Variants in ELAVL2 observed in about 807,000 individuals in gnomAD.
ELAVL2 encodes the protein ELAV like RNA binding protein 2.
In ELAVL2, 4 loss-of-function variants were observed where a neutral mutation model predicts 34.6. That is an observed-to-expected ratio of 0.12 (90% confidence interval 0.06 to 0.26). The LOEUF is 0.26. Ranked by LOEUF, ELAVL2 falls within the 10% of genes least tolerant of loss-of-function variation. The pLI is 1.00. For missense variants in ELAVL2, 432 were observed against 442.8 expected (o/e 0.98, Z 0.22); for synonymous variants, 193 against 154.8 (o/e 1.25, Z -1.83).
At chr9:23,765,183 G>T in intron 1 of ELAVL2, 2 of 1,255,280 alleles carry the variant, frequency 1.6e-6, no homozygotes, top group Non-Finnish European at 2.2e-6. Context: ...TACAGTGATT[G>T]TATTGATATT....
chr9:23,809,137 C>G (rs1475501901), intron 1 of ELAVL2, among the ~76,000 whole-genome samples: 1 of 152,166 alleles, frequency 6.6e-6, no homozygotes, highest in African/African-American at 2.4e-5. Context: ...ACGGAGCAGC[C>G]TTGTCAGGAT....
At chr9:23,795,874 T>TC (rs1345000094) in intron 1 of ELAVL2, among the ~76,000 whole-genome samples, 1 of 152,210 alleles carries the variant, frequency 6.6e-6, no homozygotes, top group Non-Finnish European at 1.5e-5. Context: ...TAAACAATCA[T>TC]TTTTAATATT....
chr9:23,756,429 G>C (rs922145961), intron 2 of ELAVL2, among the ~76,000 whole-genome samples: 2 of 152,088 alleles, frequency 1.3e-5, no homozygotes, highest in African/African-American at 4.8e-5. Flanking sequence ...AAACAACTGA[G>C]AGTAATGGTG....
At chr9:23,721,032 T>G (rs2134074894) in intron 3 of ELAVL2, among the ~76,000 whole-genome samples, 1 of 152,294 alleles carries the variant, frequency 6.6e-6, no homozygotes, top group East Asian at 1.9e-4. Context: ...TCTGGGCATA[T>G]TAGGGTTTCC....
rs189534252 is a variant in ELAVL2 at position 23,818,776 on chromosome 9, T to C, written c.-16+7030A>G. On this transcript the variant is annotated intron_variant, in intron 1 of 6. Coordinates refer to ENST00000397312, the MANE Select transcript of ELAVL2 (RefSeq NM_004432.5). The stretch of plus-strand genomic sequence containing the variant: ...CAAATGGGAGCGAAAATACTGATGC[T>C]ACCATGCAGACAAGTCATCAAAAAG... Among the ~76,000 whole-genome samples the C allele has an allele frequency of 7.2e-5, 11 of 152,320 alleles. No individual in the cohort carries two copies. In the East Asian group the frequency reaches 2.1e-3, roughly 29 times the overall value.
At chr9:23,694,873 C>CGT (rs539172313) in intron 5 of ELAVL2, among the ~76,000 whole-genome samples, 6,202 of 151,744 alleles carry the variant, frequency 0.041, 216 homozygotes, top group South Asian at 0.085. Context: ...GTGCGTGGTG[C>CGT]GTGTGTGTGT....
intron 1 of ELAVL2, among the ~76,000 whole-genome samples, chr9:23,792,109 G>A (rs576623700): frequency 6.6e-6 from 1 of 152,194 alleles, no homozygotes; most frequent in Non-Finnish European, 1.5e-5. Context: ...TTCACTGTCA[G>A]TATTCAGTAA....
At chr9:23,819,136 G>A (rs994803796) in intron 1 of ELAVL2, among the ~76,000 whole-genome samples, 1 of 152,132 alleles carries the variant, frequency 6.6e-6, no homozygotes, top group African/African-American at 2.4e-5. Flanking sequence ...AGAGCCAAGA[G>A]CGGTTGGTTA....
chr9:23,788,870 C>G (rs2060011787), intron 1 of ELAVL2, among the ~76,000 whole-genome samples: 1 of 152,194 alleles, frequency 6.6e-6, no homozygotes, highest in African/African-American at 2.4e-5. Context: ...GGGTACATCA[C>G]ACTATTCAGA....
chr9:23,728,198 CA>C (rs2045713167), intron 3 of ELAVL2, among the ~76,000 whole-genome samples: 1 of 151,908 alleles, frequency 6.6e-6, no homozygotes, highest in Admixed American at 6.6e-5. Context: ...CCTGTAATTC[CA>C]AAACTTCTGT....
intron 3 of ELAVL2, among the ~76,000 whole-genome samples, chr9:23,720,023 C>T (rs2043262008): frequency 1.3e-5 from 2 of 151,824 alleles, no homozygotes; most frequent in Admixed American, 6.6e-5. Context: ...GACGTGGTTT[C>T]ACTACATTGT....
At chr9:23,830,617 CACACACA>C (rs2065469213), upstream of ELAVL2, among the ~76,000 whole-genome samples, 1 of 148,270 alleles carries the variant, frequency 6.7e-6, no homozygotes. Context: ...CACACACACA[CACACACA>C]CCTTTTTTTT....
chr9:23,764,921 A>C, intron 1 of ELAVL2: 1 of 1,282,306 alleles, frequency 7.8e-7, no homozygotes. Context: ...ATGCCAAATG[A>C]AAGATTCAAG....
chr9:23,827,222 C>G (rs897795737), upstream of ELAVL2, among the ~76,000 whole-genome samples: 7 of 152,204 alleles, frequency 4.6e-5, no homozygotes, highest in African/African-American at 1.7e-4. Context: ...ATAGTTGAAC[C>G]TTTATCAGGG....
intron 1 of ELAVL2, among the ~76,000 whole-genome samples, chr9:23,818,501 A>C (rs575406814): frequency 2.6e-5 from 4 of 152,164 alleles, no homozygotes; most frequent in African/African-American, 9.7e-5. Flanking sequence ...CACACACTCA[A>C]ATGTGGTAGC....
chr9:23,716,660 C>T (rs528871707), intron 3 of ELAVL2, among the ~76,000 whole-genome samples: 1 of 152,182 alleles, frequency 6.6e-6, no homozygotes, highest in African/African-American at 2.4e-5. Context: ...AGACAAAAAT[C>T]CCGTTGCCCT....
chr9:23,741,541 C>T (rs2049184426), intron 2 of ELAVL2, among the ~76,000 whole-genome samples: 1 of 152,112 alleles, frequency 6.6e-6, no homozygotes, highest in Admixed American at 6.6e-5. Flanking sequence ...CTAGACACTC[C>T]CCCTTAGGCA....
chr9:23,819,103 A>G (rs1005127057), intron 1 of ELAVL2, among the ~76,000 whole-genome samples: 3 of 152,184 alleles, frequency 2.0e-5, no homozygotes, highest in Non-Finnish European at 4.4e-5. Flanking sequence ...ATTATTTTTA[A>G]AAGATAAGCA....
In ELAVL2 at chr9:23,701,513, A is replaced by T; in HGVS notation, c.579T>A (p.Gly193=). The T allele has an allele frequency of 6.2e-7, 1 of 1,614,058 alleles. No homozygotes were observed. Among genetic ancestry groups the T allele is most frequent in the Non-Finnish European group, 8.5e-7 (1 of 1,180,000 alleles). Residue 193 remains glycine (G), a synonymous_variant, in exon 5 of 7, where the codon GGT becomes GGA. Transcript: ENST00000397312. Reference sequence around the variant, plus strand: ...ACTTTACAGTGATTGGCTCCGTGGCACCGGGAGGTTTCTGGCCATTTAGGC... The same window carrying T: ...ACTTTACAGTGATTGGCTCCGTGGCTCCGGGAGGTTTCTGGCCATTTAGGC... ...IKGLNGQKPP[G]ATEPITVKFA...
Sources: gnomAD v4.1 joint callset for allele counts (sites outside exome capture counted in the v4.1 genomes callset) on GRCh38, gnomAD v4.1.1 for gene constraint, MANE v1.5 for transcripts, NCBI Gene and HGNC (gene_info 2026-07-23, HGNC 2026-07-21) for gene names.